CPM: variants seen among roughly 807,000 people sequenced by gnomAD.
CPM encodes the protein renal carboxypeptidase.
CPM carries 35 observed loss-of-function variants against 46.4 expected under a neutral mutation model. The ratio of observed to expected loss-of-function variants is 0.75; its 90% confidence interval spans 0.58 to 1.00. The LOEUF is 1.00. CPM is among the 50% of genes least tolerant of loss of function. The probability of loss-of-function intolerance (pLI) is 0.00; values close to 1 mark genes in which losing one functional copy is unlikely to be tolerated. For missense variants in CPM, 422 were observed against 530.4 expected (o/e 0.80, Z 2.01); for synonymous variants, 195 against 195.3 (o/e 1.00, Z 0.01).
At chr12:68,859,125 A>C in intron 7 of CPM, 54 bp from the exon 8 acceptor site, 2 of 963,130 alleles carry the variant, frequency 2.1e-6, no homozygotes, top group Non-Finnish European at 2.8e-6. Flanking sequence ...GGCATATAAA[A>C]ATTATTATAA....
intron 1 of CPM, among the ~76,000 whole-genome samples, chr12:68,940,382 T>C (rs1888742248): frequency 6.6e-6 from 1 of 151,626 alleles, no homozygotes; most frequent in Non-Finnish European, 1.5e-5. Context: ...TATCCAACAT[T>C]ACAGTATCAT....
At chr12:68,949,345 T>TA (rs1888898988) in intron 1 of CPM, among the ~76,000 whole-genome samples, 1 of 152,188 alleles carries the variant, frequency 6.6e-6, no homozygotes, top group Non-Finnish European at 1.5e-5. Flanking sequence ...CACTTTAGTC[T>TA]AAGCAACGGA....
chr12:68,947,866 T>C lies in CPM; in HGVS notation c.-3-15026A>G, dbSNP rs1442813769. Among the ~76,000 whole-genome samples, 6 of 152,180 alleles carry C rather than the reference T, an allele frequency of 3.9e-5. No individual in the cohort carries two copies. In the East Asian group the frequency reaches 9.7e-4, roughly 25 times the overall value. ...CAAGGTCTTGCTATGTTGCCCAGTC[T>C]AGAAATTAGATTTTTATAAAAATTT... On this transcript the variant is annotated intron_variant, in intron 1 of 8. Coordinates refer to the CPM transcript ENST00000546373.
intron 2 of CPM, among the ~76,000 whole-genome samples, chr12:68,924,149 TAAAAAA>T (rs77792212): frequency 4.6e-5 from 5 of 107,662 alleles, no homozygotes; most frequent in Admixed American, 9.8e-5. Flanking sequence ...TGTCTCTACT[TAAAAAA>T]AAAAAAAAAA....
upstream of CPM, among the ~76,000 whole-genome samples, chr12:68,934,465 T>TCTGC (rs1888632181): frequency 6.6e-6 from 1 of 152,212 alleles, no homozygotes. Flanking sequence ...TTCCAGTGAT[T>TCTGC]CTGCCGCAGC....
At chr12:68,920,327 CT>C (rs1887981746) in intron 2 of CPM, among the ~76,000 whole-genome samples, 1 of 152,186 alleles carries the variant, frequency 6.6e-6, no homozygotes, top group Non-Finnish European at 1.5e-5. Context: ...GGGAAAACTG[CT>C]GTAGAATCGC....
intron 2 of CPM, among the ~76,000 whole-genome samples, chr12:68,915,832 T>C (rs1249899322): frequency 6.6e-6 from 1 of 152,230 alleles, no homozygotes; most frequent in African/African-American, 2.4e-5. Flanking sequence ...TACCAAGATA[T>C]CATTTTGGGA....
At chr12:68,941,683 C>T (rs953328901) in intron 1 of CPM, among the ~76,000 whole-genome samples, 4 of 152,144 alleles carry the variant, frequency 2.6e-5, no homozygotes, top group Non-Finnish European at 5.9e-5. Flanking sequence ...ATGCCTTATA[C>T]TAATGCTGCT....
At chr12:68,958,604 G>A (rs945328107) in intron 1 of CPM, among the ~76,000 whole-genome samples, 1 of 152,060 alleles carries the variant, frequency 6.6e-6, no homozygotes, top group African/African-American at 2.4e-5. Flanking sequence ...CTCCACTGCT[G>A]CCATCTTGGT....
At chr12:68,857,043 C>T (rs1157570323) in intron 8 of CPM, among the ~76,000 whole-genome samples, 3 of 152,178 alleles carry the variant, frequency 2.0e-5, no homozygotes, top group Admixed American at 6.6e-5. Flanking sequence ...TATTTAACAT[C>T]CTCCTTGGAT....
chr12:68,956,232 G>GGT (rs1455478916), intron 1 of CPM, among the ~76,000 whole-genome samples: 1 of 152,264 alleles, frequency 6.6e-6, no homozygotes, highest in Non-Finnish European at 1.5e-5. Flanking sequence ...AATCGGAGCA[G>GGT]GTGCCAGGAG....
At chr12:68,843,230 A>G (rs147764324) in intron 5 of CPM, 347 of 224,874 alleles carry the variant, frequency 1.5e-3, no homozygotes, top group African/African-American at 7.4e-3. Context: ...CTGAAGTATT[A>G]TGAACTCCAA....
At chr12:68,874,245 C>T (rs1885840049) in intron 3 of CPM, among the ~76,000 whole-genome samples, 1 of 152,134 alleles carries the variant, frequency 6.6e-6, no homozygotes, top group Non-Finnish European at 1.5e-5. Flanking sequence ...TTGGAAGTAA[C>T]CTTGATGAGC....
chr12:68,922,187 G>A (rs1888065815), intron 2 of CPM, among the ~76,000 whole-genome samples: 2 of 152,256 alleles, frequency 1.3e-5, no homozygotes, highest in South Asian at 2.1e-4. Context: ...TTCAATTAAC[G>A]TAATGAATGA....
At chr12:68,910,906 C>T (rs1887568319) in intron 2 of CPM, among the ~76,000 whole-genome samples, 1 of 151,936 alleles carries the variant, frequency 6.6e-6, no homozygotes, top group African/African-American at 2.4e-5. Context: ...ACTACATTAT[C>T]GTTAAACATG....
intron 3 of CPM, 95 bp from the exon 4 acceptor site, chr12:68,872,051 A>G (rs573292872): frequency 3.2e-6 from 4 of 1,258,184 alleles, no homozygotes; most frequent in Admixed American, 2.0e-5. Context: ...GGGTCTCTAC[A>G]CATGATATCT....
intron 1 of CPM, among the ~76,000 whole-genome samples, chr12:68,939,658 T>G (rs1403677616): frequency 6.6e-6 from 1 of 152,090 alleles, no homozygotes; most frequent in Non-Finnish European, 1.5e-5. Context: ...TCAATTCACC[T>G]TAGATGGACT....
At chr12:68,844,900 T>C (rs1387617696) in intron 5 of CPM, 1 of 200,994 alleles carries the variant, frequency 5.0e-6, no homozygotes, top group East Asian at 7.7e-5. Flanking sequence ...CCCAAGTAGC[T>C]GGGGTTAGAG....
At chr12:68,954,042 C>G (rs952256333) in intron 1 of CPM, among the ~76,000 whole-genome samples, 2 of 152,152 alleles carry the variant, frequency 1.3e-5, no homozygotes, top group African/African-American at 4.8e-5. Context: ...GTTATTCCTT[C>G]ATGATGTCTT....
Sources: gnomAD v4.1 joint callset for allele counts (sites outside exome capture counted in the v4.1 genomes callset) on GRCh38, gnomAD v4.1.1 for gene constraint, MANE v1.5 for transcripts, NCBI Gene and HGNC (gene_info 2026-07-23, HGNC 2026-07-21) for gene names.